The following TARS2 variants were observed in gnomAD, a reference collection of about 807,000 sequenced individuals.
The protein encoded by TARS2 is threonine--tRNA ligase, mitochondrial.
A neutral mutation model predicts 94.4 loss-of-function variants in TARS2; 61 were observed. The ratio of observed to expected loss-of-function variants is 0.65; its 90% confidence interval spans 0.53 to 0.80. TARS2 has a LOEUF of 0.80. Ranked by LOEUF, TARS2 falls within the 30% of genes least tolerant of loss-of-function variation. TARS2 has a pLI of 0.00. For missense variants in TARS2, 704 were observed against 902.5 expected (o/e 0.78, Z 2.82); for synonymous variants, 359 against 353.4 (o/e 1.02, Z -0.18).
At chr1:150,500,128 T>C (rs1268167789) in intron 13 of TARS2, among the ~76,000 whole-genome samples, 1 of 151,784 alleles carries the variant, frequency 6.6e-6, no homozygotes, top group African/African-American at 2.4e-5. Flanking sequence ...TGAGCCGAGA[T>C]TGCGCCCCAC....
At chr1:150,492,307 A>G in intron 6 of TARS2, 104 bp from the exon 7 acceptor site, 1 of 1,207,186 alleles carries the variant, frequency 8.3e-7, no homozygotes, top group East Asian at 2.4e-5. Flanking sequence ...TCAGTAGGAC[A>G]GTTCCTTTCT....
intron 4 of TARS2, among the ~76,000 whole-genome samples, chr1:150,491,064 AC>A: frequency 1.4e-5 from 1 of 73,892 alleles, no homozygotes; most frequent in Non-Finnish European, 4.1e-5. Flanking sequence ...CAAAAAAAAA[AC>A]AAAAAGAAAA....
chr1:150,504,672 G>A lies in TARS2; in HGVS notation c.1759G>A (p.Ala587Thr). 6.2e-7 allele frequency: 1 copy of A among 1,614,012 alleles called. No individual in the cohort carries two copies. The change falls in exon 15 of 18, where the codon GCA (alanine) becomes ACA (threonine). Residue 587 changes from alanine to threonine, a missense_variant. This residue lies in a region of TARS2 where 466 missense variants were observed against 609.5 expected (regional missense o/e 0.76). Coordinates refer to ENST00000369064, the MANE Select transcript of TARS2 (RefSeq NM_025150.5). ...GGAGCGTCCAGTCCTCATTCACCGA[G>A]CAGTGCTCGGTTCTGTGGAAAGACT... is the stretch of plus-strand genomic sequence containing the variant. ...ALERPVLIHR[A>T]VLGSVERLLG...
chr1:150,488,223 C>T, intron 2 of TARS2, 169 bp downstream of exon 2: 2 of 749,142 alleles, frequency 2.7e-6, no homozygotes, highest in Admixed American at 3.0e-5. Context: ...TTTATACAGA[C>T]GGGGTCTCTC....
At chr1:150,492,968 C>T (rs1463281152) in intron 7 of TARS2, among the ~76,000 whole-genome samples, 1 of 151,318 alleles carries the variant, frequency 6.6e-6, no homozygotes, top group South Asian at 2.1e-4. Flanking sequence ...CTGCAAGCTT[C>T]GCCTCCTGGA....
intron 10 of TARS2, 144 bp from the exon 11 acceptor site, chr1:150,498,358 C>T (rs753283842): frequency 7.9e-5 from 77 of 969,992 alleles, no homozygotes; most frequent in Non-Finnish European, 1.0e-4. Context: ...GTGGGATTGA[C>T]AGGACTCAGT....
At chr1:150,504,755 T>C in intron 15 of TARS2, 22 bp downstream of exon 15, 1 of 1,613,864 alleles carries the variant, frequency 6.2e-7, no homozygotes, top group Non-Finnish European at 8.5e-7. Context: ...GACCTGGATT[T>C]CTGTTCTGGC....
At chr1:150,492,204 T>C in intron 6 of TARS2, 1 of 513,260 alleles carries the variant, frequency 1.9e-6, no homozygotes, top group Non-Finnish European at 3.6e-6. Context: ...GACCACGTGA[T>C]CCACCCACCT....
At chr1:150,491,295 T>C (rs1022506785) in intron 4 of TARS2, 99 bp from the exon 5 acceptor site, 10 of 1,136,450 alleles carry the variant, frequency 8.8e-6, no homozygotes, top group South Asian at 7.6e-5. Context: ...TCTAGATTTC[T>C]CTTGAAGGAC....
intron 13 of TARS2, among the ~76,000 whole-genome samples, chr1:150,503,680 T>C (rs796104956): frequency 6.7e-6 from 1 of 149,814 alleles, no homozygotes; most frequent in Non-Finnish European, 1.5e-5. Flanking sequence ...TGTGTGTATA[T>C]ATGTGTATAT....
At chr1:150,499,661 C>T (rs1193370894) in intron 13 of TARS2, among the ~76,000 whole-genome samples, 3 of 152,068 alleles carry the variant, frequency 2.0e-5, no homozygotes, top group Non-Finnish European at 4.4e-5. Flanking sequence ...CCACCGCACC[C>T]GGCCACAAAG....
At position 150,507,027 on chromosome 1, in the gene TARS2, A is replaced by G. The variant is rs1262730912; in HGVS notation, c.2120A>G (p.Gln707Arg). The G allele has an allele frequency of 1.9e-6, 3 of 1,614,186 alleles. No homozygotes were observed. Among genetic ancestry groups the G allele is most frequent in the Non-Finnish European group, 2.5e-6 (3 of 1,180,032 alleles). The change falls in exon 18 of 18, where the codon CAG becomes CGG. Residue 707 changes from glutamine (Q) to arginine (R), a missense_variant. By Grantham distance (43) the Gln-to-Arg change is conservative. Coordinates refer to ENST00000369064, the MANE Select transcript of TARS2 (RefSeq NM_025150.5). Reference sequence around the variant, plus strand: ...GCTGTGCAGCGACTGGTGGAGCTACAGAACACGAGGGTCCCAAATGCCGAA... The same window carrying G: ...GCTGTGCAGCGACTGGTGGAGCTACGGAACACGAGGGTCCCAAATGCCGAA... ...PEAVQRLVEL[Q>R]NTRVPNAEEI...
chr1:150,490,575 T>C, intron 3 of TARS2, 26 bp from the exon 4 acceptor site: 1 of 1,608,074 alleles, frequency 6.2e-7, no homozygotes, highest in African/African-American at 1.3e-5. Context: ...TTTATGAACT[T>C]GTGAACCCCT....
rs1420916565 is a variant in TARS2 at position 150,491,970 on chromosome 1, T to G, written c.695+308T>G. The G allele has an allele frequency of 2.5e-5, 6 of 237,856 alleles. No homozygotes were observed. In the East Asian group the frequency reaches 5.0e-4, roughly 20 times the overall value. The allele number at this position is 237,856 out of a possible 1,614,324, so 14.7% of individuals were successfully genotyped here. A position where few individuals can be genotyped will look rare whatever the true frequency, so the allele number is the denominator to read the frequency against. ...CCACCATGCCTGGCTAGTTTTTTTT[T>G]TTTTTTTTTTTTTTGAGATGAAGTC... On this transcript the variant is annotated intron_variant, in intron 6 of 17. Transcript: ENST00000369064.
At chr1:150,504,078 A>ATT (rs1238760426) in intron 13 of TARS2, among the ~76,000 whole-genome samples, 1 of 151,992 alleles carries the variant, frequency 6.6e-6, no homozygotes, top group Non-Finnish European at 1.5e-5. Flanking sequence ...AGCTCAAGGA[A>ATT]TTGAGAGGCC....
In TARS2 at chr1:150,491,422, T is replaced by C. The variant is rs930595564; in HGVS notation, c.541T>C (p.Leu181=). 6.2e-7 allele frequency: 1 copy of C among 1,613,398 alleles called. No individual in the cohort carries two copies. The highest frequency in any genetic ancestry group is 1.1e-5 in the South Asian group (1 of 91,048). Residue 181 remains leucine, a synonymous_variant, in exon 5 of 18, where the codon TTG becomes CTG. Transcript: ENST00000369064. ...AATCCGGGGCTCAGAGCTGCCTGTT[T>C]TGGAGCGGATTTGCCAGGAACTTAC... ...RTIRGSELPV[L]ERICQELTAA...
At position 150,499,290 on chromosome 1, in the gene TARS2, T is replaced by A. The variant is rs1170475829; in HGVS notation, c.1614T>A (p.Pro538=). 5.6e-6 allele frequency: 9 copies of A among 1,614,110 alleles called. 1 individual carries two copies. In the South Asian group the frequency reaches 9.9e-5, roughly 18 times the overall value. ...LNSGDGAFYG[P]KIDVHLHDAL... ...CTGGAGATGGTGCCTTCTATGGACC[T>A]AAGGTAAGCTTGGGACCCTGGTTAG... Residue 538 remains proline, a synonymous_variant, in exon 13 of 18, where the codon CCT becomes CCA. Coordinates refer to ENST00000369064, the MANE Select transcript of TARS2 (RefSeq NM_025150.5).
At position 150,496,886 on chromosome 1, in the gene TARS2, A is replaced by G; in HGVS notation, c.998A>G (p.Asn333Ser). Residue 333 changes from asparagine (N) to serine (S), a missense_variant, in exon 9 of 18, where the codon AAT becomes AGT. By Grantham distance (46) the Asn-to-Ser change is conservative. Coordinates refer to ENST00000369064, the MANE Select transcript of TARS2 (RefSeq NM_025150.5). The stretch of plus-strand genomic sequence containing the variant: ...CTGCCACGAGGGACAAGGGTGTATA[A>G]TGCACTAGTGGCGTTTATCAGGGTA... Reference protein sequence around the residue: ...FFLPRGTRVYNALVAFIRAEY... With the variant: ...FFLPRGTRVYSALVAFIRAEY... The G allele has an allele frequency of 6.2e-7, 1 of 1,614,090 alleles. No individual in the cohort carries two copies. The highest frequency in any genetic ancestry group is 1.3e-5 in the African/African-American group (1 of 75,020).
At chr1:150,503,341 G>A (rs1437312565) in intron 13 of TARS2, among the ~76,000 whole-genome samples, 2 of 152,034 alleles carry the variant, frequency 1.3e-5, no homozygotes, top group Admixed American at 6.6e-5. Context: ...GCCTGAGGAT[G>A]GGAGAGAAAA....
Sources: gnomAD v4.1 joint callset for allele counts (sites outside exome capture counted in the v4.1 genomes callset) on GRCh38, gnomAD v4.1.1 for gene constraint, gnomAD v4.1.1 regional missense constraint, MANE v1.5 for transcripts, NCBI Gene and HGNC (gene_info 2026-07-23, HGNC 2026-07-21) for gene names.